Variants in ADAM12 observed in about 807,000 individuals in gnomAD.
ADAM12 encodes the protein ADAM metallopeptidase domain 12, also known as disintegrin and metalloproteinase domain-containing protein 12.
In ADAM12, 70 loss-of-function variants were observed where a neutral mutation model predicts 106.4. The observed-to-expected ratio is 0.66, with a 90% CI of 0.54 to 0.80. ADAM12 has a LOEUF of 0.80. Ranked by LOEUF, ADAM12 falls within the 30% of genes least tolerant of loss-of-function variation. The pLI is 0.00. For synonymous variants in ADAM12, 420 were observed against 433.5 expected, an observed-to-expected ratio of 0.97 and a Z score of 0.39; for missense variants, 1,010 against 1,171.9, an observed-to-expected ratio of 0.86 and a Z score of 2.02.
At chr10:126,367,317 C>A (rs371771319) in intron 1 of ADAM12, among the ~76,000 whole-genome samples, 1 of 151,412 alleles carries the variant, frequency 6.6e-6, no homozygotes, top group Admixed American at 6.6e-5. Context: ...AAATAAGCCA[C>A]GAGTCATAGA....
chr10:126,329,020 G>A (rs1854409681), intron 2 of ADAM12, among the ~76,000 whole-genome samples: 1 of 152,026 alleles, frequency 6.6e-6, no homozygotes, highest in South Asian at 2.1e-4. Flanking sequence ...CCAGCGGCAG[G>A]CCCATAGCCC....
rs565393700 is a variant in ADAM12, at chr10:126,162,389, C to T, written c.261-7084G>A. Among the ~76,000 whole-genome samples, 25 of 152,138 alleles carry T rather than the reference C, an allele frequency of 1.6e-4. No individual in the cohort carries two copies. The South Asian group carries it at 2.3e-3, about 14-fold the overall frequency. ...AGAAACAGCATGCTAGCGGGCAACG[C>T]GCAGAGGGGAGGGGAAATGACACGG... On this transcript the variant is annotated intron_variant, in intron 3 of 22. Transcript: ENST00000448723.
intron 3 of ADAM12, among the ~76,000 whole-genome samples, chr10:126,245,757 G>A (rs1958616694): frequency 6.6e-6 from 1 of 152,196 alleles, no homozygotes; most frequent in Non-Finnish European, 1.5e-5. Context: ...GGCAGCGTCA[G>A]ATGACAAGGA....
chr10:126,165,541 A>G (rs1957009325), intron 3 of ADAM12, among the ~76,000 whole-genome samples: 1 of 152,180 alleles, frequency 6.6e-6, no homozygotes, highest in Admixed American at 6.5e-5. Context: ...CCTGCTTGAT[A>G]AGGAAGAGGA....
intron 1 of ADAM12, among the ~76,000 whole-genome samples, chr10:126,367,961 A>C (rs1855968424): frequency 6.6e-6 from 1 of 151,894 alleles, no homozygotes; most frequent in Non-Finnish European, 1.5e-5. Flanking sequence ...ACTAGACAAT[A>C]ATATAATAAG....
At chr10:126,146,260 G>A (rs534494792) in intron 4 of ADAM12, among the ~76,000 whole-genome samples, 1 of 152,348 alleles carries the variant, frequency 6.6e-6, no homozygotes, top group African/African-American at 2.4e-5. Context: ...CGGCCAGTGG[G>A]ACAGCAAAGC....
At chr10:126,117,745 T>A (rs1166704450) in intron 6 of ADAM12, among the ~76,000 whole-genome samples, 3 of 77,596 alleles carry the variant, frequency 3.9e-5, no homozygotes, top group Non-Finnish European at 6.6e-5. Context: ...CTTGAGCTTG[T>A]GGGGGTAGAA....
At chr10:126,089,533 C>T (rs1218079092) in intron 11 of ADAM12, among the ~76,000 whole-genome samples, 1 of 152,158 alleles carries the variant, frequency 6.6e-6, no homozygotes, top group Admixed American at 6.5e-5. Flanking sequence ...ATCTCAGAGG[C>T]TGCATGGTCT....
intron 1 of ADAM12, among the ~76,000 whole-genome samples, chr10:126,339,672 G>A (rs1191419157): frequency 1.3e-5 from 2 of 152,074 alleles, no homozygotes; most frequent in Admixed American, 1.3e-4. Context: ...GCAGTAGAGT[G>A]CTTTGTGGGT....
chr10:126,017,358 A>G lies in ADAM12; in HGVS notation c.2661-19T>C, dbSNP rs755685207. 5.8e-6 allele frequency: 9 copies of G among 1,562,524 alleles called. No homozygotes were observed. The East Asian group carries it at 1.9e-4, about 32-fold the overall frequency. On this transcript the variant is annotated intron_variant, in intron 22 of 22. Coordinates refer to ENST00000448723, the MANE Select transcript of ADAM12 (RefSeq NM_001288973.2). ...AGCAGGTCTGAATGAAGAGAGGAGAAAAAAAAATGATCAGAGACCTTGAGA... is the reference window on the plus strand; with the variant it reads ...AGCAGGTCTGAATGAAGAGAGGAGAGAAAAAAATGATCAGAGACCTTGAGA...
intron 2 of ADAM12, among the ~76,000 whole-genome samples, chr10:126,317,186 TGAG>T (rs1564729125): frequency 6.6e-6 from 1 of 152,198 alleles, no homozygotes; most frequent in African/African-American, 2.4e-5. Flanking sequence ...ACAGCCCTTC[TGAG>T]GAGTCCTTCC....
chr10:126,201,169 G>A (rs141918768), intron 3 of ADAM12, among the ~76,000 whole-genome samples: 5 of 152,270 alleles, frequency 3.3e-5, no homozygotes, highest in East Asian at 1.9e-4. Context: ...GGGTTGAACC[G>A]TCCTTCCAAA....
At chr10:126,036,427 C>CA in intron 20 of ADAM12, 102 bp from the exon 21 acceptor site, 1 of 1,160,312 alleles carries the variant, frequency 8.6e-7, no homozygotes, top group Non-Finnish European at 1.2e-6. Flanking sequence ...AGCTGAAGGC[C>CA]AAGGTGGGGT....
intron 21 of ADAM12, among the ~76,000 whole-genome samples, chr10:126,027,011 A>G (rs1953886307): frequency 6.6e-6 from 1 of 152,194 alleles, no homozygotes; most frequent in African/African-American, 2.4e-5. Context: ...ACTAAAATAG[A>G]TCACTAGCTA....
At chr10:126,381,614 G>A (rs1856495926) in intron 1 of ADAM12, among the ~76,000 whole-genome samples, 1 of 152,160 alleles carries the variant, frequency 6.6e-6, no homozygotes, top group Admixed American at 6.5e-5. Context: ...TCCTGCCTCA[G>A]CCTCTGGAGT....
intron 3 of ADAM12, among the ~76,000 whole-genome samples, chr10:126,195,860 A>G (rs1441263759): frequency 6.6e-6 from 1 of 152,090 alleles, no homozygotes; most frequent in African/African-American, 2.4e-5. Context: ...TGAAACTGTT[A>G]AGTTACCTAA....
intron 2 of ADAM12, among the ~76,000 whole-genome samples, chr10:126,282,456 A>G (rs181205404): frequency 1.3e-5 from 2 of 152,276 alleles, no homozygotes; most frequent in African/African-American, 4.8e-5. Flanking sequence ...TGAAGTTTCT[A>G]TTAATCATTA....
At chr10:126,034,325 C>T (rs1193651213) in intron 21 of ADAM12, among the ~76,000 whole-genome samples, 1 of 152,128 alleles carries the variant, frequency 6.6e-6, no homozygotes. Context: ...GCTAAACATT[C>T]TACAATGCAT....
chr10:126,041,330 G>C (rs1954162930), intron 18 of ADAM12: 1 of 985,802 alleles, frequency 1.0e-6, no homozygotes, highest in Admixed American at 6.1e-5. Context: ...GTATGAACAG[G>C]GTGGAGGCAG....
Sources: allele counts gnomAD v4.1 joint callset (sites outside exome capture counted in the v4.1 genomes callset), GRCh38; gene constraint gnomAD v4.1.1; transcripts MANE v1.5; gene names NCBI Gene and HGNC (gene_info 2026-07-23, HGNC 2026-07-21).